The following LPP variants were observed in gnomAD, a reference collection of about 807,000 sequenced individuals.
LPP encodes the protein LIM domain containing preferred translocation partner in lipoma, also known as lipoma-preferred partner.
Under a neutral mutation model 60.4 loss-of-function variants are expected in LPP, and 38 were observed. The ratio of observed to expected loss-of-function variants is 0.63; its 90% CI spans 0.49 to 0.83. LPP has a LOEUF of 0.83. Among genes scored for constraint, LPP ranks in the 40% least tolerant of loss-of-function variants. The probability of loss-of-function intolerance (pLI) is 0.00; values close to 1 mark genes in which losing one functional copy is unlikely to be tolerated. For synonymous variants in LPP, 328 were observed against 290.8 expected, an observed-to-expected ratio of 1.13 and a Z score of -1.30; for missense variants, 902 against 783.6, an observed-to-expected ratio of 1.15 and a Z score of -1.80.
chr3:188,681,889 C>G lies in LPP; in HGVS notation c.1114-26378C>G, dbSNP rs186164965. On this transcript the variant is annotated intron_variant, in intron 7 of 11. Coordinates refer to ENST00000617246, the MANE Select transcript of LPP (RefSeq NM_001375462.1). ...TTTGTCTCTCACACATACAGCAGCC[C>G]CAACACTGACAAATCCAAATTCTAT... 7.6e-3 allele frequency among the ~76,000 whole-genome samples: 1,162 copies of G among 152,264 alleles called. 7 individuals are homozygous for G. The highest frequency in any genetic ancestry group is 0.011 in the Non-Finnish European group (763 of 68,020).
chr3:188,687,081 G>A (rs1393098215), intron 7 of LPP, among the ~76,000 whole-genome samples: 2 of 152,212 alleles, frequency 1.3e-5, no homozygotes, highest in Admixed American at 1.3e-4. Flanking sequence ...GCTTGTGTAT[G>A]AGTCTTTAAA....
intron 4 of LPP, among the ~76,000 whole-genome samples, chr3:188,416,562 C>T (rs1354211389): frequency 6.6e-6 from 1 of 152,148 alleles, no homozygotes; most frequent in African/African-American, 2.4e-5. Flanking sequence ...CTCTTCCTCC[C>T]GTAGTTAATG....
At chr3:188,588,593 C>T (rs1343921095) in intron 6 of LPP, among the ~76,000 whole-genome samples, 1 of 152,148 alleles carries the variant, frequency 6.6e-6, no homozygotes, top group East Asian at 1.9e-4. Context: ...GCTCACATAC[C>T]TCAGTTTCCT....
chr3:188,423,066 A>G (rs1402300984), intron 4 of LPP, among the ~76,000 whole-genome samples: 1 of 151,936 alleles, frequency 6.6e-6, no homozygotes, highest in Non-Finnish European at 1.5e-5. Context: ...CGTCATCTAC[A>G]TTAGGTATTT....
At chr3:188,587,801 T>C (rs530124679) in intron 6 of LPP, among the ~76,000 whole-genome samples, 27 of 152,326 alleles carry the variant, frequency 1.8e-4, no homozygotes, top group African/African-American at 6.0e-4. Context: ...AGGTTTCTTA[T>C]TTGTCGATGA....
At chr3:188,492,693 T>C (rs1405276662) in intron 5 of LPP, among the ~76,000 whole-genome samples, 1 of 152,114 alleles carries the variant, frequency 6.6e-6, no homozygotes, top group African/African-American at 2.4e-5. Context: ...CGAAACTCCG[T>C]CTCAAAGAAA....
rs566578933 is a variant in LPP, at chr3:188,255,652, C to T, written c.-67+30125C>T. On this transcript the variant is annotated intron_variant, in intron 2 of 11. Transcript: ENST00000617246. The stretch of plus-strand genomic sequence containing the variant: ...TTTAATTCATAGCTGGCTTTTGATA[C>T]GTATGTAATGAAAATTCTGGTTTTC... Among the ~76,000 whole-genome samples the T allele has an allele frequency of 2.0e-3, 306 of 152,254 alleles. 4 individuals are homozygous for T. The South Asian group carries it at 0.029, about 14-fold the overall frequency.
At chr3:188,574,931 A>G (rs946273084) in intron 6 of LPP, among the ~76,000 whole-genome samples, 2 of 151,050 alleles carry the variant, frequency 1.3e-5, no homozygotes, top group African/African-American at 4.9e-5. Flanking sequence ...CCTTTTTTTC[A>G]TCACTGTTAC....
At chr3:188,407,796 T>TG (rs1783998061) in intron 4 of LPP, among the ~76,000 whole-genome samples, 1 of 138,282 alleles carries the variant, frequency 7.2e-6, no homozygotes, top group Admixed American at 7.2e-5. Context: ...TTGTTTTTTT[T>TG]TTTTTTTTTT....
intron 6 of LPP, among the ~76,000 whole-genome samples, chr3:188,582,044 C>G (rs1472179713): frequency 6.6e-6 from 1 of 152,050 alleles, no homozygotes; most frequent in African/African-American, 2.4e-5. Flanking sequence ...TTATTGCACA[C>G]CACACTCTGT....
chr3:188,188,490 A>G (rs2148971050), intron 1 of LPP, among the ~76,000 whole-genome samples: 1 of 152,066 alleles, frequency 6.6e-6, no homozygotes, highest in African/African-American at 2.4e-5. Context: ...TATAACAATT[A>G]TTTGGCGAAG....
intron 7 of LPP, among the ~76,000 whole-genome samples, chr3:188,680,226 G>A (rs1357734159): frequency 6.6e-6 from 1 of 151,964 alleles, no homozygotes; most frequent in African/African-American, 2.4e-5. Context: ...GACTTCATAT[G>A]CTCTTACTTA....
At chr3:188,334,534 G>A (rs1428607187) in intron 2 of LPP, among the ~76,000 whole-genome samples, 4 of 147,932 alleles carry the variant, frequency 2.7e-5, no homozygotes, top group African/African-American at 5.0e-5. Context: ...GGGTTCAAGC[G>A]TTTCTCCTGC....
At chr3:188,393,371 A>G (rs1160095092) in intron 3 of LPP, among the ~76,000 whole-genome samples, 1 of 152,066 alleles carries the variant, frequency 6.6e-6, no homozygotes, top group Non-Finnish European at 1.5e-5. Flanking sequence ...AGCCTCCTCT[A>G]CTTCCCGTTG....
intron 3 of LPP, among the ~76,000 whole-genome samples, chr3:188,363,268 T>G (rs1416248134): frequency 6.6e-6 from 1 of 152,124 alleles, no homozygotes; most frequent in Non-Finnish European, 1.5e-5. Flanking sequence ...GGAAGGAAAA[T>G]GCATGTGGAT....
chr3:188,268,673 A>G (rs1314503059), intron 2 of LPP, among the ~76,000 whole-genome samples: 1 of 152,222 alleles, frequency 6.6e-6, no homozygotes, highest in Admixed American at 6.5e-5. Context: ...ATTCAATGAG[A>G]TTATACCTGT....
intron 2 of LPP, among the ~76,000 whole-genome samples, chr3:188,228,802 A>G (rs1718781628): frequency 6.6e-6 from 1 of 152,218 alleles, no homozygotes; most frequent in South Asian, 2.1e-4. Context: ...TCTGAGAATT[A>G]GGAACAATAA....
At chr3:188,615,824 C>T (rs74904414) in intron 7 of LPP, among the ~76,000 whole-genome samples, 4 of 152,134 alleles carry the variant, frequency 2.6e-5, no homozygotes, top group Non-Finnish European at 4.4e-5. Context: ...ATTTGCATTC[C>T]TCTAATGATC....
intron 5 of LPP, among the ~76,000 whole-genome samples, chr3:188,511,582 C>G (rs969642309): frequency 1.3e-5 from 2 of 151,930 alleles, no homozygotes; most frequent in Non-Finnish European, 2.9e-5. Context: ...TAATGTCATG[C>G]AAAGTGCTAG....
Sources: gnomAD v4.1 joint callset for allele counts (sites outside exome capture counted in the v4.1 genomes callset) on GRCh38, gnomAD v4.1.1 for gene constraint, MANE v1.5 for transcripts, NCBI Gene and HGNC (gene_info 2026-07-23, HGNC 2026-07-21) for gene names.